GPR158: variants seen among roughly 807,000 people sequenced by gnomAD.
GPR158 encodes G protein-coupled receptor 158, also known as metabotropic glycine receptor.
GPR158 carries 30 observed loss-of-function variants against 78.2 expected under a neutral mutation model. That is an observed-to-expected ratio of 0.38 (90% confidence interval 0.29 to 0.52). The LOEUF (loss-of-function observed/expected upper bound fraction) is 0.52. Ranked by LOEUF, GPR158 falls within the 20% of genes least tolerant of loss-of-function variation. The pLI is 0.83. For synonymous variants in GPR158, 581 were observed against 591.1 expected (o/e 0.98, Z 0.25); for missense variants, 1,463 against 1,523.5 (o/e 0.96, Z 0.66).
intron 2 of GPR158, chr10:25,244,629 C>T (rs1345317414): frequency 6.6e-6 from 1 of 152,164 alleles, no homozygotes; most frequent in African/African-American, 2.4e-5. Context: ...TGAGTCCTTA[C>T]TCTGTACCTC....
chr10:25,492,672 G>A (rs983543730), intron 5 of GPR158, among the ~76,000 whole-genome samples: 4 of 151,770 alleles, frequency 2.6e-5, no homozygotes, highest in Non-Finnish European at 5.9e-5. Flanking sequence ...TGTGAACGTG[G>A]TCCATGCACA....
chr10:25,193,550 G>A (rs1000550591), intron 1 of GPR158, among the ~76,000 whole-genome samples: 6 of 152,194 alleles, frequency 3.9e-5, no homozygotes, highest in African/African-American at 1.2e-4. Context: ...AGAGGAAGGC[G>A]TGCAGAAGGT....
At chr10:25,526,450 AG>A (rs1836348562) in intron 5 of GPR158, among the ~76,000 whole-genome samples, 3 of 152,056 alleles carry the variant, frequency 2.0e-5, no homozygotes, top group Admixed American at 2.0e-4. Flanking sequence ...CTGGAAATTG[AG>A]GGGGTAAATT....
intron 2 of GPR158, among the ~76,000 whole-genome samples, chr10:25,352,708 G>T (rs375524052): frequency 1.3e-5 from 2 of 151,952 alleles, no homozygotes; most frequent in African/African-American, 4.8e-5. Flanking sequence ...GTTCTAAGAG[G>T]ATAAAGGTGA....
intron 2 of GPR158, among the ~76,000 whole-genome samples, chr10:25,301,519 A>G (rs539655866): frequency 2.0e-5 from 3 of 152,328 alleles, no homozygotes; most frequent in Admixed American, 6.5e-5. Context: ...ATAAGTGGGC[A>G]CTTATTAGCT....
intron 2 of GPR158, among the ~76,000 whole-genome samples, chr10:25,327,151 GTGAA>G (rs1486126303): frequency 6.6e-6 from 1 of 152,042 alleles, no homozygotes; most frequent in Non-Finnish European, 1.5e-5. Context: ...AGAAAAATAA[GTGAA>G]AGAAAGCACA....
intron 6 of GPR158, among the ~76,000 whole-genome samples, chr10:25,561,453 C>G (rs1836859510): frequency 6.6e-6 from 1 of 152,156 alleles, no homozygotes; most frequent in African/African-American, 2.4e-5. Flanking sequence ...CTGGCTTCTT[C>G]TTGATCTTCA....
At chr10:25,198,188 G>A (rs1157677952) in intron 1 of GPR158, among the ~76,000 whole-genome samples, 1 of 152,180 alleles carries the variant, frequency 6.6e-6, no homozygotes, top group Admixed American at 6.5e-5. Flanking sequence ...TGCTGATTGA[G>A]CTTACTTCAT....
intron 8 of GPR158, among the ~76,000 whole-genome samples, chr10:25,590,761 G>A (rs1036631643): frequency 2.0e-5 from 3 of 152,142 alleles, no homozygotes; most frequent in Non-Finnish European, 4.4e-5. Flanking sequence ...GTCAAAATGT[G>A]CTTATGTAGT....
At chr10:25,388,966 C>T (rs1834257424) in intron 2 of GPR158, among the ~76,000 whole-genome samples, 1 of 152,196 alleles carries the variant, frequency 6.6e-6, no homozygotes, top group Non-Finnish European at 1.5e-5. Flanking sequence ...GACAGGCCAG[C>T]CCCTGCCACC....
intron 2 of GPR158, among the ~76,000 whole-genome samples, chr10:25,330,550 A>G (rs1399574408): frequency 6.6e-6 from 1 of 152,208 alleles, no homozygotes; most frequent in Non-Finnish European, 1.5e-5. Flanking sequence ...TGATCCTGTT[A>G]TCACTCTGAT....
chr10:25,473,816 A>G (rs1030991669), intron 5 of GPR158, among the ~76,000 whole-genome samples: 2 of 151,956 alleles, frequency 1.3e-5, no homozygotes, highest in Non-Finnish European at 2.9e-5. Flanking sequence ...CTACTCTCCA[A>G]CCACCCTGAC....
intron 2 of GPR158, among the ~76,000 whole-genome samples, chr10:25,338,941 A>C (rs1588808618): frequency 6.6e-6 from 1 of 151,026 alleles, no homozygotes; most frequent in South Asian, 2.1e-4. Context: ...TGATGTCCTA[A>C]GATTTTCTGT....
intron 5 of GPR158, among the ~76,000 whole-genome samples, chr10:25,472,396 T>C (rs1053392995): frequency 6.6e-6 from 1 of 152,190 alleles, no homozygotes; most frequent in Non-Finnish European, 1.5e-5. Flanking sequence ...TCAGGTAGTG[T>C]GATGCCTCCA....
intron 2 of GPR158, among the ~76,000 whole-genome samples, chr10:25,378,614 CAT>C (rs10546746): frequency 0.65 from 97,431 of 150,958 alleles, 32,366 homozygotes; most frequent in Non-Finnish European, 0.73. Context: ...GCCAGTTAGG[CAT>C]ATATATATAT....
chr10:25,215,651 A>G (rs1853200515), intron 1 of GPR158, among the ~76,000 whole-genome samples: 1 of 152,136 alleles, frequency 6.6e-6, no homozygotes, highest in Non-Finnish European at 1.5e-5. Flanking sequence ...CCTGGCCAAC[A>G]TAGTGAAACC....
intron 3 of GPR158, among the ~76,000 whole-genome samples, chr10:25,397,418 C>T (rs1242380232): frequency 1.3e-5 from 2 of 152,168 alleles, no homozygotes. Flanking sequence ...AACTAGAGTA[C>T]AGGTCTCTTT....
At chr10:25,294,931 A>G (rs1350539229) in intron 2 of GPR158, among the ~76,000 whole-genome samples, 1 of 152,244 alleles carries the variant, frequency 6.6e-6, no homozygotes, top group East Asian at 1.9e-4. Flanking sequence ...AGAAACTAAA[A>G]ATAAAAATGA....
chr10:25,346,594 T>G (rs1486996825), intron 2 of GPR158, among the ~76,000 whole-genome samples: 1 of 151,974 alleles, frequency 6.6e-6, no homozygotes, highest in Non-Finnish European at 1.5e-5. Flanking sequence ...TTCTAAGGTA[T>G]TATTCCCATA....
Sources: gnomAD v4.1 joint callset for allele counts (sites outside exome capture counted in the v4.1 genomes callset) on GRCh38, gnomAD v4.1.1 for gene constraint, MANE v1.5 for transcripts, NCBI Gene and HGNC (gene_info 2026-07-23, HGNC 2026-07-21) for gene names.